The following GALNT9 variants were observed in gnomAD, a reference collection of about 807,000 sequenced individuals.
GALNT9 encodes the protein GalNAc transferase 9.
GALNT9 carries 47 observed loss-of-function variants against 63.1 expected under a neutral mutation model. That is an observed-to-expected ratio of 0.75 (90% CI 0.59 to 0.95). GALNT9 has a LOEUF of 0.95. Ranked by LOEUF, GALNT9 falls within the 40% of genes least tolerant of loss-of-function variation. The pLI, the probability that GALNT9 is intolerant of heterozygous loss-of-function variation, is 0.00. For missense variants in GALNT9, 829 were observed against 874.8 expected, an observed-to-expected ratio of 0.95 and a Z score of 0.66; for synonymous variants, 396 against 365.7, an observed-to-expected ratio of 1.08 and a Z score of -0.94.
chr12:132,197,786 G>C lies in GALNT9; in HGVS notation c.1665+6C>G. On this transcript the variant is annotated splice_donor_region_variant and intron_variant, in intron 10 of 10. Coordinates refer to ENST00000328957, the MANE Select transcript of GALNT9 (RefSeq NM_001122636.2). ...ACCCCACGGCCCCCCTTCCCCAGAG[G>C]CTGACCTGGGTGAAGTCCCACAGCC... 6.4e-7 allele frequency: 1 copy of C among 1,552,746 alleles called. No individual in the cohort carries two copies. Among genetic ancestry groups the C allele is most frequent in the Non-Finnish European group, 8.7e-7 (1 of 1,144,146 alleles).
At chr12:132,218,314 T>G (rs1877301763) in intron 6 of GALNT9, among the ~76,000 whole-genome samples, 1 of 152,108 alleles carries the variant, frequency 6.6e-6, no homozygotes, top group African/African-American at 2.4e-5. Flanking sequence ...AGGTCCAGGC[T>G]GACGCGGACG....
intron 6 of GALNT9, among the ~76,000 whole-genome samples, chr12:132,241,222 A>C (rs2136901021): frequency 0.014 from 331 of 23,540 alleles, 1 homozygote; most frequent in South Asian, 0.036. Flanking sequence ...ACCCCCTTCC[A>C]GGGGCCCTCC....
chr12:132,310,255 C>T lies in GALNT9; in HGVS notation c.238+18711G>A, dbSNP rs1827129343. Among the ~76,000 whole-genome samples the T allele has an allele frequency of 6.6e-6, 1 of 152,166 alleles. No homozygotes were observed. The highest frequency in any genetic ancestry group is 2.4e-5 in the African/African-American group (1 of 41,444). ...CCACCAGCCCTCCAGGTCTCACCGGCCACACCGCGGTTCGGCATTTCAGTT... is the reference window on the plus strand; with the variant it reads ...CCACCAGCCCTCCAGGTCTCACCGGTCACACCGCGGTTCGGCATTTCAGTT... On this transcript the variant is annotated intron_variant, in intron 1 of 10. Transcript: ENST00000328957. This position sits in a 1 kb window ranked among gnomAD's most constrained non-coding sequence, Gnocchi z 4.8.
At chr12:132,290,534 C>T (rs889550743) in intron 1 of GALNT9, among the ~76,000 whole-genome samples, 13 of 152,042 alleles carry the variant, frequency 8.6e-5, no homozygotes, top group African/African-American at 3.1e-4. Context: ...CTCATGTCCA[C>T]AGCACCCACA....
intron 4 of GALNT9, among the ~76,000 whole-genome samples, chr12:132,259,311 G>T (rs1715767727): frequency 6.6e-6 from 1 of 152,222 alleles, no homozygotes; most frequent in Non-Finnish European, 1.5e-5. Flanking sequence ...CAGGCCTCGG[G>T]GAGCTTACCC....
chr12:132,326,155 C>T (rs1593127966), intron 1 of GALNT9, among the ~76,000 whole-genome samples: 1 of 152,128 alleles, frequency 6.6e-6, no homozygotes, highest in Non-Finnish European at 1.5e-5. Context: ...GGTTTGAATG[C>T]CCAGACAACT....
intron 6 of GALNT9, among the ~76,000 whole-genome samples, chr12:132,206,464 T>C (rs1876704064): frequency 6.6e-6 from 1 of 151,894 alleles, no homozygotes; most frequent in South Asian, 2.1e-4. Context: ...CTGGCCAACA[T>C]GATGAAACCC....
intron 1 of GALNT9, among the ~76,000 whole-genome samples, chr12:132,304,381 A>G (rs1332717255): frequency 3.3e-3 from 228 of 69,832 alleles, no homozygotes; most frequent in East Asian, 8.9e-3. Flanking sequence ...ACCCGGGCAC[A>G]CCCTCACCGG....
At chr12:132,219,668 A>T (rs1262153852) in intron 6 of GALNT9, among the ~76,000 whole-genome samples, 2 of 152,084 alleles carry the variant, frequency 1.3e-5, no homozygotes, top group African/African-American at 2.4e-5. Context: ...GGTAAGGGGA[A>T]GGGGCACCTC....
chr12:132,277,766 A>G (rs1468994972), intron 2 of GALNT9: 1 of 152,228 alleles, frequency 6.6e-6, no homozygotes, highest in Non-Finnish European at 1.5e-5. Flanking sequence ...GATTCGTGCC[A>G]TACTCATGGG....
chr12:132,248,172 G>A (rs572229492), intron 5 of GALNT9, 145 bp from the exon 6 acceptor site: 1 of 1,291,016 alleles, frequency 7.7e-7, no homozygotes, highest in South Asian at 1.5e-5. Flanking sequence ...CTGTGCTCAA[G>A]GTGAGGGGCC....
intron 6 of GALNT9, among the ~76,000 whole-genome samples, chr12:132,239,217 G>A (rs1878117097): frequency 6.6e-6 from 1 of 152,064 alleles, no homozygotes; most frequent in Admixed American, 6.6e-5. Context: ...GAGACAGAGA[G>A]ACACAGAGAC....
At position 132,197,251 on chromosome 12, in the gene GALNT9, A is replaced by T. The variant is rs1434996459; in HGVS notation, c.1668T>A (p.Ser556Arg). ...CCGTGGCCCGGCTCACAATGGGGCCACTCTGTGGGGACAGGCACATCAAGT... is the reference window on the plus strand; with the variant it reads ...CCGTGGCCCGGCTCACAATGGGGCCTCTCTGTGGGGACAGGCACATCAAGT... ...PTQRLWDFTQSGPIVSRATGR... is the reference protein window; with the variant it reads ...PTQRLWDFTQRGPIVSRATGR... The change falls in exon 11 of 11, where the codon AGT becomes AGA. Residue 556 changes from serine to arginine, a missense_variant and splice_region_variant. Ser to Arg is a moderately radical substitution (Grantham distance 110, BLOSUM62 -1). Coordinates refer to ENST00000328957, the MANE Select transcript of GALNT9 (RefSeq NM_001122636.2). The T allele has an allele frequency of 6.2e-7, 1 of 1,611,160 alleles. No homozygotes were observed. Among genetic ancestry groups the T allele is most frequent in the African/African-American group, 1.3e-5 (1 of 74,830 alleles).
intron 6 of GALNT9, among the ~76,000 whole-genome samples, chr12:132,218,512 TTA>T (rs545212900): frequency 1.0e-3 from 158 of 152,350 alleles, no homozygotes; most frequent in African/African-American, 3.7e-3. Context: ...TAAAAAAGAT[TTA>T]CAATCTGCTT....
rs782006018 is a variant in GALNT9 at position 132,247,989 on chromosome 12, C to T, written c.998G>A (p.Arg333His). The change falls in exon 6 of 11, where the codon CGC (arginine) becomes CAC (histidine). Residue 333 changes from arginine to histidine, a missense_variant. Coordinates refer to ENST00000328957, the MANE Select transcript of GALNT9 (RefSeq NM_001122636.2). ...CAGCCCAATGTCTCCGAAGTACTCGCGGTCCACTACGAAGGAGCAGCCGAT... is the reference window on the plus strand; with the variant it reads ...CAGCCCAATGTCTCCGAAGTACTCGTGGTCCACTACGAAGGAGCAGCCGAT... ...AMIGCSFVVD[R>H]EYFGDIGLLD... is the part of the protein sequence containing the mutation. 28 of 1,551,320 alleles carry T rather than the reference C, an allele frequency of 1.8e-5. No individual in the cohort carries two copies. Among genetic ancestry groups the T allele is most frequent in the Admixed American group, 7.8e-5 (4 of 50,996 alleles).
intron 1 of GALNT9, among the ~76,000 whole-genome samples, chr12:132,322,940 G>T (rs1320311176): frequency 6.6e-6 from 1 of 152,216 alleles, no homozygotes; most frequent in African/African-American, 2.4e-5. Flanking sequence ...GTCCCGTACG[G>T]GAAAGCCCAG....
chr12:132,322,664 A>AG (rs1555246250), intron 1 of GALNT9, among the ~76,000 whole-genome samples: 1 of 151,896 alleles, frequency 6.6e-6, no homozygotes. Flanking sequence ...CAGGCATGGG[A>AG]GGGGGGTTTG....
intron 8 of GALNT9, chr12:132,200,400 T>A (rs1875948020): frequency 6.6e-6 from 1 of 152,230 alleles, no homozygotes; most frequent in African/African-American, 2.4e-5. Context: ...TGGGCCTGTG[T>A]GAGTGTGCAT....
intron 1 of GALNT9, among the ~76,000 whole-genome samples, chr12:132,301,558 G>A (rs1723514185): frequency 6.6e-6 from 1 of 152,244 alleles, no homozygotes; most frequent in South Asian, 2.1e-4. Context: ...CCGGAGGTAG[G>A]GATGGCTGTG....
Sources: gnomAD v4.1 joint callset for allele counts (sites outside exome capture counted in the v4.1 genomes callset) on GRCh38, gnomAD v4.1.1 for gene constraint, Gnocchi (gnomAD v3.1) non-coding constraint, MANE v1.5 for transcripts, NCBI Gene and HGNC (gene_info 2026-07-23, HGNC 2026-07-21) for gene names.